Variants in FAM20B observed in about 807,000 individuals in gnomAD.
The protein encoded by FAM20B is glycosaminoglycan xylosylkinase.
Under a neutral mutation model 43.8 loss-of-function variants are expected in FAM20B, and 23 were observed. The observed-to-expected ratio is 0.53, with a 90% confidence interval of 0.38 to 0.74. The LOEUF (loss-of-function observed/expected upper bound fraction) is 0.74, where lower values mean the gene tolerates loss of function less well. Ranked by LOEUF, FAM20B falls within the 30% of genes least tolerant of loss-of-function variation. The pLI is 0.00. For synonymous variants in FAM20B, 178 were observed against 192.4 expected, an observed-to-expected ratio of 0.93 and a Z score of 0.62; for missense variants, 440 against 510.5, an observed-to-expected ratio of 0.86 and a Z score of 1.33.
At chr1:179,035,523 A>G (rs7541378) in intron 1 of FAM20B, 250,079 of 665,044 alleles carry the variant, frequency 0.38, 48,165 homozygotes, top group Middle Eastern at 0.45. Flanking sequence ...GGCCTCCACT[A>G]TATTTCGAAT....
chr1:179,020,846 G>A (rs55699757), upstream of FAM20B, among the ~76,000 whole-genome samples: 21,315 of 152,256 alleles, frequency 0.14, 1,731 homozygotes, highest in East Asian at 0.29. Context: ...CAAGGCAGGA[G>A]GATCGCTTGA....
intron 4 of FAM20B, among the ~76,000 whole-genome samples, chr1:179,056,919 A>G (rs1359871307): frequency 1.3e-5 from 2 of 152,060 alleles, no homozygotes; most frequent in Non-Finnish European, 2.9e-5. Flanking sequence ...TGTCATCTGT[A>G]TATCTTTGCT....
chr1:179,031,028 T>C (rs1374118511), intron 1 of FAM20B, among the ~76,000 whole-genome samples: 1 of 152,224 alleles, frequency 6.6e-6, no homozygotes, highest in Non-Finnish European at 1.5e-5. Context: ...CTGTGTGGGC[T>C]GTCAGCTTGA....
chr1:179,041,704 AGGGAGACAGGAGACGGGAGACGGGCC>A (rs1278580632), intron 1 of FAM20B, among the ~76,000 whole-genome samples: 4 of 116,242 alleles, frequency 3.4e-5, no homozygotes, highest in Non-Finnish European at 6.8e-5. Flanking sequence ...GGAGACGGGG[AGGGAGACAGGAGACGGGAGACGGGCC>A]GGGAGAGGGA....
In FAM20B at chr1:179,054,575, A is replaced by C; in HGVS notation, c.511A>C (p.Asn171His). Residue 171 changes from asparagine to histidine, a missense_variant, in exon 4 of 8, where the codon AAT becomes CAT. Asn to His is a moderately conservative substitution (Grantham distance 68, BLOSUM62 1). Coordinates refer to ENST00000263733, the MANE Select transcript of FAM20B (RefSeq NM_014864.4). ...CCCCTTGGTAGTTGGCAGATTTGTT[A>C]ATCTTCGGACAGAGATCAAACCTGT... ...RAPLVVGRFV[N>H]LRTEIKPVAT... is the part of the protein sequence containing the mutation. 1 of 1,613,294 alleles carries C rather than the reference A, an allele frequency of 6.2e-7. No homozygotes were observed.
intron 4 of FAM20B, among the ~76,000 whole-genome samples, chr1:179,057,017 G>A (rs1056831407): frequency 1.3e-5 from 2 of 152,134 alleles, no homozygotes; most frequent in Non-Finnish European, 2.9e-5. Context: ...GGTATGGTAT[G>A]GCCGAAAGTC....
intron 1 of FAM20B, among the ~76,000 whole-genome samples, chr1:179,040,495 C>A (rs1252866007): frequency 1.4e-5 from 2 of 144,890 alleles, no homozygotes; most frequent in Admixed American, 6.8e-5. Context: ...GGGGCTGACC[C>A]CCCCACCTCC....
chr1:179,035,119 G>A (rs2102486248), intron 1 of FAM20B, among the ~76,000 whole-genome samples: 1 of 152,242 alleles, frequency 6.6e-6, no homozygotes, highest in East Asian at 1.9e-4. Context: ...AAGCGTTAAG[G>A]CCAGGTGTTC....
At chr1:179,068,462 G>A (rs1187339411) in intron 7 of FAM20B, among the ~76,000 whole-genome samples, 1 of 151,766 alleles carries the variant, frequency 6.6e-6, no homozygotes, top group African/African-American at 2.4e-5. Context: ...TGGAGATGGA[G>A]TCTTGCTCTG....
At chr1:179,054,468 C>G (rs1236872475) in intron 3 of FAM20B, 61 bp from the exon 4 acceptor site, 3 of 1,034,592 alleles carry the variant, frequency 2.9e-6, no homozygotes, top group Non-Finnish European at 4.5e-6. Flanking sequence ...ATTTTTAAGA[C>G]TGTTACTTAA....
chr1:179,050,427 G>A (rs1650957247), intron 3 of FAM20B, 62 bp downstream of exon 3: 1 of 1,127,518 alleles, frequency 8.9e-7, no homozygotes, highest in Admixed American at 1.7e-5. Context: ...TTCTTGGAGA[G>A]GACTCGTGGA....
rs558109834 is a variant in FAM20B at position 179,071,061 on chromosome 1, G to A, written c.999-852G>A. On this transcript the variant is annotated intron_variant, in intron 7 of 7. Transcript: ENST00000263733. ...TGTAATCCCAGCACTTTGGGAGGCCGAGGCGGGCGGATCACGAGGTCAGGA... is the reference window on the plus strand; with the variant it reads ...TGTAATCCCAGCACTTTGGGAGGCCAAGGCGGGCGGATCACGAGGTCAGGA... 3.1e-3 allele frequency among the ~76,000 whole-genome samples: 469 copies of A among 151,810 alleles called. 2 individuals are homozygous for A. Among genetic ancestry groups the A allele is most frequent in the African/African-American group, 0.01 (426 of 41,438 alleles).
rs140125209 is a variant in FAM20B, at chr1:179,038,326, G to A, written c.-133-5389G>A. Among the ~76,000 whole-genome samples, 547 of 151,124 alleles carry A rather than the reference G, an allele frequency of 3.6e-3. 4 individuals are homozygous for A. The highest frequency in any genetic ancestry group is 0.013 in the African/African-American group (518 of 41,082). On this transcript the variant is annotated intron_variant, in intron 1 of 7. Transcript: ENST00000263733. Reference sequence around the variant, plus strand: ...CTTGGGAGGCTGAGGCAGGAGAATCGCTTGAACCCAGGAAGCAGAGGTTGT... The same window carrying A: ...CTTGGGAGGCTGAGGCAGGAGAATCACTTGAACCCAGGAAGCAGAGGTTGT...
intron 4 of FAM20B, among the ~76,000 whole-genome samples, chr1:179,060,088 G>C (rs1651397307): frequency 8.3e-6 from 1 of 120,838 alleles, no homozygotes; most frequent in Non-Finnish European, 1.7e-5. Context: ...CTTTTTGTAT[G>C]AAATATATAT....
rs1210332889 is a variant in FAM20B at position 179,054,790 on chromosome 1, A to G, written c.574+152A>G. The G allele has an allele frequency of 6.1e-6, 3 of 491,382 alleles. No homozygotes were observed. In the Admixed American group the frequency reaches 1.0e-4, roughly 17 times the overall value. 30.4% of individuals were successfully genotyped at this position (491,382 alleles called of 1,614,324 possible). A position where few individuals can be genotyped will look rare whatever the true frequency, so the allele number is the denominator to read the frequency against. On this transcript the variant is annotated intron_variant, in intron 4 of 7. Coordinates refer to ENST00000263733, the MANE Select transcript of FAM20B (RefSeq NM_014864.4). ...ACAACCAGCTCTCAGGTTATTTGGG[A>G]AAATGAATCTAAAGGAGATGGCAGG...
At chr1:179,056,054 C>T (rs1264016756) in intron 4 of FAM20B, among the ~76,000 whole-genome samples, 1 of 152,184 alleles carries the variant, frequency 6.6e-6, no homozygotes, top group Admixed American at 6.5e-5. Context: ...CGCTGCCCGT[C>T]ACATGCATAG....
At chr1:179,038,365 T>A (rs1443464523) in intron 1 of FAM20B, among the ~76,000 whole-genome samples, 1 of 150,138 alleles carries the variant, frequency 6.7e-6, no homozygotes, top group African/African-American at 2.5e-5. Flanking sequence ...GAGCCGAGAT[T>A]GCTCCATGGC....
chr1:179,030,770 A>ATTC (rs1481665804), intron 1 of FAM20B, among the ~76,000 whole-genome samples: 1 of 152,080 alleles, frequency 6.6e-6, no homozygotes, highest in Non-Finnish European at 1.5e-5. Flanking sequence ...CACTTATCAG[A>ATTC]TGCCTCTTAC....
intron 6 of FAM20B, among the ~76,000 whole-genome samples, chr1:179,066,105 T>C (rs1651678694): frequency 6.6e-6 from 1 of 152,186 alleles, no homozygotes; most frequent in Non-Finnish European, 1.5e-5. Context: ...ATTCAGACCA[T>C]AGCAGTTGCC....
Sources: allele counts gnomAD v4.1 joint callset (sites outside exome capture counted in the v4.1 genomes callset), GRCh38; gene constraint gnomAD v4.1.1; transcripts MANE v1.5; gene names NCBI Gene and HGNC (gene_info 2026-07-23, HGNC 2026-07-21).